The following HDC variants were observed in gnomAD, a reference collection of about 807,000 sequenced individuals.
The protein encoded by HDC is histidine decarboxylase.
In HDC, 27 loss-of-function variants were observed where a neutral mutation model predicts 64.4. The ratio of observed to expected loss-of-function variants is 0.42; its 90% CI spans 0.31 to 0.58. HDC has a LOEUF of 0.58. Among genes scored for constraint, HDC ranks in the 20% least tolerant of loss-of-function variants. The pLI is 0.16. For missense variants in HDC, 711 were observed against 833.9 expected, an observed-to-expected ratio of 0.85 and a Z score of 1.81; for synonymous variants, 305 against 314.2, an observed-to-expected ratio of 0.97 and a Z score of 0.31.
In HDC at chr15:50,254,142, C is replaced by A. The variant is rs746967529; in HGVS notation, c.708G>T (p.Leu236Phe). The part of the protein sequence containing the change: ...KAIEEDKQRG[L>F]VPVFVCATLG... ...TATCCTGACTTACAAAGACGGGCAC[C>A]AAGCCCCGCTGCTTGTCTTCCTCGA... Residue 236 changes from leucine to phenylalanine, a missense_variant, in exon 6 of 12, where the codon TTG becomes TTT. This residue lies in a region of HDC where 483 missense variants were observed against 540.9 expected (regional missense o/e 0.89). Transcript: ENST00000267845. 1 of 1,614,192 alleles carries A rather than the reference C, an allele frequency of 6.2e-7. No homozygotes were observed. Among genetic ancestry groups the A allele is most frequent in the South Asian group, 1.1e-5 (1 of 91,082 alleles).
rs112230552 is a variant in HDC at position 50,251,874 on chromosome 15, A to AAG, written c.1041+554_1041+555dup. ...GAAAGAAAGAAAGAAAACAAAAGAA[A>AAG]AGAGAGAGAGAGTGAGTTAGAGAGT... On this transcript the variant is annotated intron_variant, in intron 9 of 11. Transcript: ENST00000267845. 4.6e-5 allele frequency among the ~76,000 whole-genome samples: 7 copies of AAG among 151,894 alleles called. No individual in the cohort carries two copies. The East Asian group carries it at 5.8e-4, about 13-fold the overall frequency.
In HDC at chr15:50,253,673, G is replaced by A. The variant is rs775168532; in HGVS notation, c.721-7C>T. ...TCCCTAGTGTTGCACAGACCTAGGG[G>A]AAAATTAAGGCAAGTTAACACAGGA... On this transcript the variant is annotated splice_region_variant and splice_polypyrimidine_tract_variant and intron_variant, in intron 6 of 11. Coordinates refer to ENST00000267845, the MANE Select transcript of HDC (RefSeq NM_002112.4). 7.4e-6 allele frequency: 12 copies of A among 1,611,972 alleles called. No individual in the cohort carries two copies. The highest frequency in any genetic ancestry group is 9.3e-6 in the Non-Finnish European group (11 of 1,179,272).
chr15:50,247,824 G>A (rs2045502510), intron 10 of HDC, among the ~76,000 whole-genome samples: 1 of 152,228 alleles, frequency 6.6e-6, no homozygotes, highest in African/African-American at 2.4e-5. Context: ...AGCCAGGGGA[G>A]CTTTATTTCA....
At chr15:50,265,276 C>T (rs2045752458) in intron 1 of HDC, among the ~76,000 whole-genome samples, 2 of 152,034 alleles carry the variant, frequency 1.3e-5, no homozygotes, top group Non-Finnish European at 2.9e-5. Context: ...TATGAACAAT[C>T]CCCTTTTCCC....
chr15:50,249,644 CA>C (rs1357514443), intron 9 of HDC, among the ~76,000 whole-genome samples: 2 of 152,204 alleles, frequency 1.3e-5, no homozygotes, highest in Non-Finnish European at 2.9e-5. Context: ...ATTGCTGTAA[CA>C]AGGAAAGTGT....
At chr15:50,250,540 C>G (rs1276750708) in intron 9 of HDC, among the ~76,000 whole-genome samples, 1 of 152,072 alleles carries the variant, frequency 6.6e-6, no homozygotes, top group Non-Finnish European at 1.5e-5. Context: ...GGAATGAACC[C>G]CGGGAAGATC....
intron 11 of HDC, 64 bp from the exon 12 acceptor site, chr15:50,243,070 G>A (rs1267037085): frequency 4.3e-6 from 7 of 1,613,838 alleles, no homozygotes; most frequent in Non-Finnish European, 5.9e-6. Context: ...CCAGAGCCCA[G>A]CATTTGTGTT....
chr15:50,247,252 C>G (rs528919471), intron 10 of HDC, among the ~76,000 whole-genome samples: 2 of 152,166 alleles, frequency 1.3e-5, no homozygotes, highest in Non-Finnish European at 2.9e-5. Context: ...TAGAATGTTT[C>G]TAACACAAAG....
chr15:50,252,642 A>C lies in HDC; in HGVS notation c.920T>G (p.Met307Arg). The C allele has an allele frequency of 6.2e-7, 1 of 1,614,168 alleles. No individual in the cohort carries two copies. Reference sequence around the variant, plus strand: ...CCCAGTACAGTCAAAATGCACCATCATCCACTTGGAAGGATTAAAGGTGAA... The same window carrying C: ...CCCAGTACAGTCAAAATGCACCATCCTCCACTTGGAAGGATTAAAGGTGAA... ...DSFTFNPSKW[M>R]MVHFDCTGFW... The change falls in exon 8 of 12, where the codon ATG becomes AGG. Residue 307 changes from methionine to arginine, a missense_variant. Transcript: ENST00000267845.
In HDC at chr15:50,242,182, A is replaced by G. The variant is rs140844349; in HGVS notation, c.*78T>C. On this transcript the variant is annotated 3_prime_UTR_variant, in exon 12 of 12. Transcript: ENST00000267845. ...GAAAAATGCATGTACACATAAGCACACAAAGTTGGCATACAATTGTGAGGG... is the reference window on the plus strand; with the variant it reads ...GAAAAATGCATGTACACATAAGCACGCAAAGTTGGCATACAATTGTGAGGG... 1.2e-3 allele frequency: 1,460 copies of G among 1,231,090 alleles called. 22 individuals are homozygous for G. In the Admixed American group the frequency reaches 0.024, roughly 20 times the overall value. The allele number at this position is 1,231,090 out of a possible 1,614,324, so 76.3% of individuals were successfully genotyped here. A position where few individuals can be genotyped will look rare whatever the true frequency, so the allele number is the denominator to read the frequency against.
At position 50,253,664 on chromosome 15, in the gene HDC, G is replaced by C; in HGVS notation, c.723C>G (p.Val241=). The C allele has an allele frequency of 6.2e-7, 1 of 1,612,842 alleles. No homozygotes were observed. Among genetic ancestry groups the C allele is most frequent in the Non-Finnish European group, 8.5e-7 (1 of 1,179,674 alleles). ...CCCCAGTGGTCCCTAGTGTTGCACA[G>C]ACCTAGGGGAAAATTAAGGCAAGTT... is the stretch of plus-strand genomic sequence containing the variant. The part of the protein sequence containing the change: ...DKQRGLVPVF[V]CATLGTTGVC... Residue 241 remains valine (V), a splice_region_variant and synonymous_variant, in exon 7 of 12, where the codon GTC becomes GTG. Coordinates refer to ENST00000267845, the MANE Select transcript of HDC (RefSeq NM_002112.4).
At chr15:50,249,572 TG>T (rs2045527179) in intron 9 of HDC, among the ~76,000 whole-genome samples, 1 of 152,166 alleles carries the variant, frequency 6.6e-6, no homozygotes. Flanking sequence ...TCTGTTGTGC[TG>T]GGGAGCAGCT....
rs371604874 is a variant in HDC, at chr15:50,248,245, A to T, written c.1140T>A (p.His380Gln). The T allele has an allele frequency of 6.9e-6, 11 of 1,601,820 alleles. No homozygotes were observed. The highest frequency in any genetic ancestry group is 9.4e-6 in the Non-Finnish European group (11 of 1,168,742). ...GCCCCCACAGCAGCATGCTACATAC[A>T]TGTCTGACATGTGCTTGAAGATTCT... ...GVKNLQAHVR[H>Q]GTEMAKYFES... Residue 380 changes from histidine to glutamine, a missense_variant and splice_region_variant, in exon 10 of 12, where the codon CAT becomes CAA. This residue lies in a region of HDC where 483 missense variants were observed against 540.9 expected (regional missense o/e 0.89). Coordinates refer to ENST00000267845, the MANE Select transcript of HDC (RefSeq NM_002112.4). The surrounding 1 kb of genome is among the most constrained non-coding windows in gnomAD (Gnocchi z 4.3).
chr15:50,259,675 C>G (rs1458437205), intron 2 of HDC, among the ~76,000 whole-genome samples: 2 of 152,278 alleles, frequency 1.3e-5, no homozygotes, highest in East Asian at 3.9e-4. Context: ...ACTAAATATT[C>G]ATTTCCTCCT....
At chr15:50,261,988 T>C (rs897374467) in intron 2 of HDC, among the ~76,000 whole-genome samples, 11 of 152,104 alleles carry the variant, frequency 7.2e-5, no homozygotes, top group Non-Finnish European at 1.5e-4. Context: ...GGATTACAGG[T>C]GTGAGCCCCC....
intron 10 of HDC, among the ~76,000 whole-genome samples, chr15:50,244,148 TTG>T (rs1284806413): frequency 6.6e-6 from 1 of 152,202 alleles, no homozygotes; most frequent in African/African-American, 2.4e-5. Context: ...AGGACAGGAC[TTG>T]CCTTCTCTTT....
At position 50,248,557 on chromosome 15, in the gene HDC, TCTGAGAGCCAGA is replaced by T. The variant is rs1467265226; in HGVS notation, c.1042-226_1042-215del. ...GATGAAGGTGGCCAATAGTCACTTG[TCTGAGAGCCAGA>T]CAAGTGGAAGTCAAGTCCATTACCC... is the stretch of plus-strand genomic sequence containing the variant. On this transcript the variant is annotated intron_variant, in intron 9 of 11. Transcript: ENST00000267845. The surrounding 1 kb of genome is among the most constrained non-coding windows in gnomAD (Gnocchi z 4.3). Among the ~76,000 whole-genome samples, 3 of 152,136 alleles carry T rather than the reference TCTGAGAGCCAGA, an allele frequency of 2.0e-5. No individual in the cohort carries two copies.
Position 50,263,280 on chromosome 15 carries a change from G to T in HDC, c.159C>A (p.Ser53Arg). 3 of 1,614,162 alleles carry T rather than the reference G, an allele frequency of 1.9e-6. No homozygotes were observed. The highest frequency in any genetic ancestry group is 2.5e-6 in the Non-Finnish European group (3 of 1,180,028). Residue 53 changes from serine to arginine, a missense_variant, in exon 2 of 12, where the codon AGC (serine) becomes AGA (arginine). Coordinates refer to ENST00000267845, the MANE Select transcript of HDC (RefSeq NM_002112.4). Reference sequence around the variant, plus strand: ...CAATGTCCCCAAAGATGCTGTCCCAGCTGTCGGGGTCCTCAGGAGCACTCT... The same window carrying T: ...CAATGTCCCCAAAGATGCTGTCCCATCTGTCGGGGTCCTCAGGAGCACTCT... ...LPESAPEDPD[S>R]WDSIFGDIER... is the part of the protein sequence containing the mutation.
chr15:50,261,756 C>T (rs564229544), intron 2 of HDC, among the ~76,000 whole-genome samples: 2 of 148,984 alleles, frequency 1.3e-5, no homozygotes, highest in African/African-American at 2.5e-5. Flanking sequence ...GTTGCCCAGG[C>T]TGGAGTGCAA....
Sources: gnomAD v4.1 joint callset for allele counts (sites outside exome capture counted in the v4.1 genomes callset) on GRCh38, gnomAD v4.1.1 for gene constraint, gnomAD v4.1.1 regional missense constraint, Gnocchi (gnomAD v3.1) non-coding constraint, MANE v1.5 for transcripts, NCBI Gene and HGNC (gene_info 2026-07-23, HGNC 2026-07-21) for gene names.